The following BICRA variants were observed in gnomAD, a reference collection of about 807,000 sequenced individuals.
BICRA encodes BRD4 interacting chromatin remodeling complex associated protein.
BICRA carries 31 observed loss-of-function variants against 96.9 expected under a neutral mutation model. The ratio of observed to expected loss-of-function variants is 0.32; its 90% confidence interval spans 0.24 to 0.43. The LOEUF (loss-of-function observed/expected upper bound fraction) is 0.43, where lower values mean the gene tolerates loss of function less well. Ranked by LOEUF, BICRA falls within the 20% of genes least tolerant of loss-of-function variation. BICRA has a pLI of 1.00. For synonymous variants in BICRA, 1,350 were observed against 1,071.8 expected, an observed-to-expected ratio of 1.26 and a Z score of -5.07; for missense variants, 2,283 against 2,190.3, an observed-to-expected ratio of 1.04 and a Z score of -0.84.
At chr19:47,678,572 C>G (rs1246783403) in intron 5 of BICRA, among the ~76,000 whole-genome samples, 1 of 152,130 alleles carries the variant, frequency 6.6e-6, no homozygotes, top group Admixed American at 6.5e-5. Context: ...AGCGGCTTTC[C>G]TGAGGGTGCC....
intron 7 of BICRA, among the ~76,000 whole-genome samples, chr19:47,685,738 C>CCTCT (rs1491199631): frequency 2.0e-5 from 2 of 97,836 alleles, no homozygotes; most frequent in African/African-American, 7.5e-5. Flanking sequence ...GATTTGGCAG[C>CCTCT]CTCTGTGTGT....
rs1347729870 is a variant in BICRA, at chr19:47,680,446, C to A, written c.1276C>A (p.Gln426Lys). The stretch of plus-strand genomic sequence containing the variant: ...TGCGCTGCAAGCGAACGTCTTCAAG[C>A]AGCCACCGGCCACCACCACCGGAGC... ...APALQANVFK[Q>K]PPATTTGAAP... Residue 426 changes from glutamine (Q) to lysine (K), a missense_variant, in exon 6 of 15, where the codon CAG becomes AAG. Physicochemically the swap from Gln to Lys is moderately conservative, Grantham distance 53. Coordinates refer to ENST00000594866, the MANE Select transcript of BICRA (RefSeq NM_001394372.1). The A allele has an allele frequency of 1.3e-6, 2 of 1,539,014 alleles. No individual in the cohort carries two copies. The highest frequency in any genetic ancestry group is 2.0e-5 in the Admixed American group (1 of 50,902).
At chr19:47,616,724 T>C (rs1293781235) in intron 1 of BICRA, among the ~76,000 whole-genome samples, 1 of 152,120 alleles carries the variant, frequency 6.6e-6, no homozygotes, top group Non-Finnish European at 1.5e-5. Context: ...CTTTGGGTGT[T>C]GTGACGCTTC....
chr19:47,668,964 G>C (rs536811536), intron 1 of BICRA, among the ~76,000 whole-genome samples: 11 of 152,006 alleles, frequency 7.2e-5, no homozygotes, highest in African/African-American at 2.7e-4. Flanking sequence ...TACTTAGCCG[G>C]GTATAGTGGC....
chr19:47,698,871 C>T lies in BICRA; in HGVS notation c.3397+89C>T. On this transcript the variant is annotated intron_variant, in intron 12 of 14. Coordinates refer to ENST00000594866, the MANE Select transcript of BICRA (RefSeq NM_001394372.1). The surrounding 1 kb of genome is among the most constrained non-coding windows in gnomAD (Gnocchi z 4.8). ...TCGCCAGTGTGGAGCCGCAGGTCCA[C>T]GGTGCGCTATGCTGACCCTGCCCCG... The T allele has an allele frequency of 3.0e-6, 4 of 1,333,828 alleles. No homozygotes were observed. The highest frequency in any genetic ancestry group is 3.2e-6 in the Non-Finnish European group (3 of 950,084). The allele number at this position is 1,333,828 out of a possible 1,614,324, so 82.6% of individuals were successfully genotyped here. A position where few individuals can be genotyped will look rare whatever the true frequency, so the allele number is the denominator to read the frequency against.
intron 1 of BICRA, among the ~76,000 whole-genome samples, chr19:47,656,069 GACACACACAC>G (rs60179476): frequency 2.8e-4 from 37 of 132,240 alleles, no homozygotes; most frequent in Admixed American, 7.1e-4. Context: ...ATCCTGTCTC[GACACACACAC>G]ACACACACAC....
chr19:47,617,702 G>A (rs970601178), intron 1 of BICRA, among the ~76,000 whole-genome samples: 9 of 151,710 alleles, frequency 5.9e-5, no homozygotes, highest in African/African-American at 2.2e-4. Flanking sequence ...AGCACTCACC[G>A]AGAGTTGAGA....
At chr19:47,613,804 G>C (rs2974238) in intron 1 of BICRA, among the ~76,000 whole-genome samples, 1 of 151,856 alleles carries the variant, frequency 6.6e-6, no homozygotes, top group Non-Finnish European at 1.5e-5. Flanking sequence ...TTTTGTCCCA[G>C]TTGACTGAAG....
intron 7 of BICRA, among the ~76,000 whole-genome samples, chr19:47,684,218 C>G (rs751452792): frequency 6.6e-6 from 1 of 152,082 alleles, no homozygotes; most frequent in African/African-American, 2.4e-5. Flanking sequence ...AGTCCCACTC[C>G]GTCGCCTAGG....
chr19:47,702,853 T>C lies in BICRA; in HGVS notation c.*438T>C, dbSNP rs920217003. 1 of 170,516 alleles carries C rather than the reference T, an allele frequency of 5.9e-6. No homozygotes were observed. The highest frequency in any genetic ancestry group is 1.2e-5 in the Non-Finnish European group (1 of 80,962). The allele number at this position is 170,516 out of a possible 1,614,324, so 10.6% of individuals were successfully genotyped here. On this transcript the variant is annotated 3_prime_UTR_variant, in exon 15 of 15. Transcript: ENST00000594866. ...AGGGTCCTTCCAGACAGTCTCAGCCTCTCCCCGCCGCCCCCAACAGGCTGT... is the reference window on the plus strand; with the variant it reads ...AGGGTCCTTCCAGACAGTCTCAGCCCCTCCCCGCCGCCCCCAACAGGCTGT...
chr19:47,633,082 T>TTC (rs1389720945), intron 1 of BICRA, among the ~76,000 whole-genome samples: 1 of 41,462 alleles, frequency 2.4e-5, no homozygotes, highest in African/African-American at 6.3e-5. Flanking sequence ...TTTTATTTCT[T>TTC]TTTTTTTTTT....
At chr19:47,640,914 T>G (rs1972375248) in intron 1 of BICRA, among the ~76,000 whole-genome samples, 1 of 145,732 alleles carries the variant, frequency 6.9e-6, no homozygotes, top group Admixed American at 6.9e-5. Flanking sequence ...TTTTTTTTTT[T>G]TTTGAGACAG....
At chr19:47,618,472 A>G (rs916217896) in intron 1 of BICRA, among the ~76,000 whole-genome samples, 2 of 152,060 alleles carry the variant, frequency 1.3e-5, no homozygotes, top group Admixed American at 6.6e-5. Flanking sequence ...AACGGTCACT[A>G]TTGTTAGTGT....
rs144054672 is a variant in BICRA at position 47,655,146 on chromosome 19, T to C, written c.-107-15297T>C. On this transcript the variant is annotated intron_variant, in intron 1 of 14. Transcript: ENST00000594866. ...AACGCCACACCCTGCTTTCTTATTC[T>C]CTTACTATAAACAAGTGTCCTTTTT... 2.0e-5 allele frequency among the ~76,000 whole-genome samples: 3 copies of C among 152,298 alleles called. No homozygotes were observed. The East Asian group carries it at 5.8e-4, about 29-fold the overall frequency.
intron 7 of BICRA, among the ~76,000 whole-genome samples, chr19:47,682,353 T>C (rs2123591039): frequency 6.6e-6 from 1 of 152,348 alleles, no homozygotes; most frequent in African/African-American, 2.4e-5. Context: ...GCCCACGCGC[T>C]GCAGGAATGC....
rs149205396 is a variant in BICRA, at chr19:47,671,951, AGATG to A, written c.-6+1414_-6+1417del. ...TGGAAGGATGGAGGGATGGGTGGGT[AGATG>A]GATGGAAGGATGGAGGGGTGGGTGG... On this transcript the variant is annotated intron_variant, in intron 2 of 14. Coordinates refer to ENST00000594866, the MANE Select transcript of BICRA (RefSeq NM_001394372.1). 8.9e-4 allele frequency among the ~76,000 whole-genome samples: 96 copies of A among 108,016 alleles called. 1 individual carries two copies. The highest frequency in any genetic ancestry group is 3.1e-3 in the African/African-American group (87 of 27,808). The allele number at this position is 108,016 out of a possible 152,430, so 70.9% of individuals were successfully genotyped here. A position where few individuals can be genotyped will look rare whatever the true frequency, so the allele number is the denominator to read the frequency against.
chr19:47,676,598 TC>T (rs532326029), intron 5 of BICRA, among the ~76,000 whole-genome samples: 120 of 74,970 alleles, frequency 1.6e-3, no homozygotes, highest in Admixed American at 3.0e-3. Flanking sequence ...CCTTCCTCCT[TC>T]CCCCCCTCAC....
chr19:47,646,339 C>A (rs1182837915), intron 1 of BICRA, among the ~76,000 whole-genome samples: 2 of 152,160 alleles, frequency 1.3e-5, no homozygotes, highest in Non-Finnish European at 2.9e-5. Context: ...TCCAGAGCGC[C>A]TGCAAAAATC....
chr19:47,688,409 C>A (rs1012656725), intron 7 of BICRA, among the ~76,000 whole-genome samples: 1 of 151,888 alleles, frequency 6.6e-6, no homozygotes, highest in African/African-American at 2.4e-5. Context: ...ATTTTGTGCT[C>A]ATTTAGAGAA....
Sources: allele counts gnomAD v4.1 joint callset (sites outside exome capture counted in the v4.1 genomes callset), GRCh38; gene constraint gnomAD v4.1.1; non-coding constraint Gnocchi (gnomAD v3.1); transcripts MANE v1.5; gene names NCBI Gene and HGNC (gene_info 2026-07-23, HGNC 2026-07-21).